Variants in PCDH15 observed in about 807,000 individuals in gnomAD.
The protein encoded by PCDH15 is protocadherin-15.
A neutral mutation model predicts 178.5 loss-of-function variants in PCDH15; 129 were observed. The ratio of observed to expected loss-of-function variants is 0.72; its 90% CI spans 0.63 to 0.84. PCDH15 has a LOEUF of 0.84. Among genes scored for constraint, PCDH15 ranks in the 40% least tolerant of loss-of-function variants. The pLI, the probability that PCDH15 is intolerant of heterozygous loss-of-function variation, is 0.00. For missense variants in PCDH15, 2,230 were observed against 2,099.9 expected (o/e 1.06, Z -1.21); for synonymous variants, 800 against 732.0 (o/e 1.09, Z -1.50).
At chr10:53,969,206 G>GGCAT (rs1415767909) in intron 21 of PCDH15, among the ~76,000 whole-genome samples, 1 of 152,108 alleles carries the variant, frequency 6.6e-6, no homozygotes, top group Admixed American at 6.6e-5. Flanking sequence ...AACTATCTGA[G>GGCAT]GCATGCACAA....
At chr10:54,271,956 A>G (rs2058071388) in intron 8 of PCDH15, among the ~76,000 whole-genome samples, 2 of 145,988 alleles carry the variant, frequency 1.4e-5, no homozygotes, top group Non-Finnish European at 3.0e-5. Flanking sequence ...ATTAAGAAAG[A>G]AAACTTACTA....
chr10:54,896,197 A>C (rs1474284119), intron 3 of PCDH15, among the ~76,000 whole-genome samples: 1 of 152,154 alleles, frequency 6.6e-6, no homozygotes, highest in Non-Finnish European at 1.5e-5. Context: ...ACTTTTAAAG[A>C]AACAAAGTAG....
At chr10:55,214,248 T>C (rs1840642245) in intron 1 of PCDH15, among the ~76,000 whole-genome samples, 1 of 152,018 alleles carries the variant, frequency 6.6e-6, no homozygotes, top group African/African-American at 2.4e-5. Flanking sequence ...TTAATATACA[T>C]TGAATAGTTA....
At chr10:55,462,942 G>T (rs1565164063) in intron 2 of PCDH15, among the ~76,000 whole-genome samples, 2 of 151,972 alleles carry the variant, frequency 1.3e-5, no homozygotes, top group Non-Finnish European at 2.9e-5. Flanking sequence ...CCTTTATTCT[G>T]ATTGTGTATA....
intron 2 of PCDH15, among the ~76,000 whole-genome samples, chr10:55,510,770 A>G (rs1416772683): frequency 1.3e-5 from 2 of 151,096 alleles, no homozygotes; most frequent in East Asian, 3.9e-4. Flanking sequence ...TTTTGATTAT[A>G]CTTTTAGAAA....
At chr10:54,735,358 T>C (rs1341999196) in intron 1 of PCDH15, among the ~76,000 whole-genome samples, 1 of 152,112 alleles carries the variant, frequency 6.6e-6, no homozygotes, top group Non-Finnish European at 1.5e-5. Context: ...GGTTTTGATT[T>C]GCATTTCTCT....
At chr10:55,434,510 T>C (rs998978987) in intron 2 of PCDH15, among the ~76,000 whole-genome samples, 6 of 152,202 alleles carry the variant, frequency 3.9e-5, no homozygotes, top group African/African-American at 1.4e-4. Context: ...GTTTAACATA[T>C]TGATGTCAGA....
At chr10:54,817,987 A>G (rs1952975541) in intron 3 of PCDH15, among the ~76,000 whole-genome samples, 1 of 151,990 alleles carries the variant, frequency 6.6e-6, no homozygotes, top group Non-Finnish European at 1.5e-5. Flanking sequence ...ACAATGTTTA[A>G]TTCTTCTTTA....
intron 1 of PCDH15, among the ~76,000 whole-genome samples, chr10:55,232,084 A>G (rs1841243783): frequency 6.6e-6 from 1 of 152,004 alleles, no homozygotes; most frequent in Non-Finnish European, 1.5e-5. Flanking sequence ...TATTTAGATG[A>G]AGGTCTATTT....
At chr10:54,490,053 C>T (rs1346684726) in intron 3 of PCDH15, among the ~76,000 whole-genome samples, 6 of 152,154 alleles carry the variant, frequency 3.9e-5, no homozygotes, top group Non-Finnish European at 7.3e-5. Context: ...GACATGAACA[C>T]TTTATAATTA....
intron 2 of PCDH15, among the ~76,000 whole-genome samples, chr10:54,584,365 G>A (rs1207679211): frequency 6.6e-6 from 1 of 152,086 alleles, no homozygotes; most frequent in African/African-American, 2.4e-5. Context: ...TCATGCCACT[G>A]TACTCAGGCC....
At chr10:54,598,755 GACAA>G (rs1488240068) in intron 2 of PCDH15, among the ~76,000 whole-genome samples, 1 of 152,060 alleles carries the variant, frequency 6.6e-6, no homozygotes, top group Non-Finnish European at 1.5e-5. Flanking sequence ...TCTGTAAGCT[GACAA>G]ACAACTTCAG....
intron 15 of PCDH15, among the ~76,000 whole-genome samples, chr10:54,131,787 G>C (rs1429854779): frequency 6.6e-6 from 1 of 152,160 alleles, no homozygotes; most frequent in Non-Finnish European, 1.5e-5. Context: ...ATTTTAAGCA[G>C]CAGTTACTTT....
chr10:54,776,910 G>A (rs1422950899), intron 1 of PCDH15, among the ~76,000 whole-genome samples: 1 of 151,928 alleles, frequency 6.6e-6, no homozygotes, highest in Middle Eastern at 3.2e-3. Flanking sequence ...GTTAAGAGGA[G>A]GTTTATACAA....
At chr10:55,077,148 C>G (rs530752580) in intron 2 of PCDH15, among the ~76,000 whole-genome samples, 48 of 151,636 alleles carry the variant, frequency 3.2e-4, no homozygotes, top group Admixed American at 2.6e-3. Flanking sequence ...TTTTCTGTCA[C>G]TACTTTCAGT....
chr10:54,749,727 A>C (rs1468468405), intron 1 of PCDH15, among the ~76,000 whole-genome samples: 2 of 152,154 alleles, frequency 1.3e-5, no homozygotes, highest in Non-Finnish European at 2.9e-5. Flanking sequence ...AGTGATACAA[A>C]GGCAAATGCA....
chr10:54,587,150 GCAT>G (rs1443799920), intron 2 of PCDH15, among the ~76,000 whole-genome samples: 1 of 152,016 alleles, frequency 6.6e-6, no homozygotes, highest in Non-Finnish European at 1.5e-5. Context: ...GTGACCATTG[GCAT>G]CATCTTTTTA....
In PCDH15 at chr10:54,675,799, T is replaced by A. The variant is rs1235171887; in HGVS notation, c.-28-11509A>T. 2.0e-5 allele frequency among the ~76,000 whole-genome samples: 3 copies of A among 152,178 alleles called. No individual in the cohort carries two copies. The East Asian group carries it at 5.8e-4, about 29-fold the overall frequency. On this transcript the variant is annotated intron_variant, in intron 1 of 37. Coordinates refer to ENST00000644397, the MANE Select transcript of PCDH15 (RefSeq NM_001384140.1). ...GAAGAGGAATCATTATTAGCCAAGC[T>A]CCTATCCCAGCTTTTTATCCCGGAG...
chr10:54,565,181 C>T (rs1312824692), intron 2 of PCDH15, among the ~76,000 whole-genome samples: 1 of 152,182 alleles, frequency 6.6e-6, no homozygotes, highest in Non-Finnish European at 1.5e-5. Context: ...AAATGTACCA[C>T]CTAATATTCA....
Sources: gnomAD v4.1 joint callset for allele counts (sites outside exome capture counted in the v4.1 genomes callset) on GRCh38, gnomAD v4.1.1 for gene constraint, MANE v1.5 for transcripts, NCBI Gene and HGNC (gene_info 2026-07-23, HGNC 2026-07-21) for gene names.